Variants in AGAP1 observed in about 807,000 individuals in gnomAD.
The protein encoded by AGAP1 is ArfGAP with GTPase domain, ankyrin repeat and PH domain 1, also known as arf-GAP with GTPase, ANK repeat and PH domain-containing protein 1.
In AGAP1, 29 loss-of-function variants were observed where a neutral mutation model predicts 105.3. The ratio of observed to expected loss-of-function variants is 0.28; its 90% CI spans 0.21 to 0.38. AGAP1 has a LOEUF of 0.38. Among genes scored for constraint, AGAP1 ranks in the 10% least tolerant of loss-of-function variants. The pLI, the probability that AGAP1 is intolerant of heterozygous loss-of-function variation, is 1.00. For missense variants in AGAP1, 998 were observed against 1,165.1 expected (o/e 0.86, Z 2.09); for synonymous variants, 509 against 485.9 (o/e 1.05, Z -0.63).
At chr2:235,926,923 A>G (rs1419571620) in intron 11 of AGAP1, among the ~76,000 whole-genome samples, 1 of 152,204 alleles carries the variant, frequency 6.6e-6, no homozygotes, top group African/African-American at 2.4e-5. Flanking sequence ...TTCATTTTCT[A>G]AGTGATGCCA....
At chr2:236,025,856 G>A (rs2057032459) in intron 13 of AGAP1, among the ~76,000 whole-genome samples, 1 of 142,654 alleles carries the variant, frequency 7.0e-6, no homozygotes, top group South Asian at 2.4e-4. Flanking sequence ...GAGCTGAGAT[G>A]GTGCCACTGC....
Position 236,095,816 on chromosome 2 carries a change from A to G in AGAP1, c.2115-24376A>G, listed in dbSNP as rs1054516553. 5.3e-5 allele frequency among the ~76,000 whole-genome samples: 8 copies of G among 152,254 alleles called. No homozygotes were observed. The highest frequency in any genetic ancestry group is 1.4e-4 in the African/African-American group (6 of 41,470). On this transcript the variant is annotated intron_variant, in intron 16 of 17. Transcript: ENST00000304032. The surrounding 1 kb of genome is among the most constrained non-coding windows in gnomAD (Gnocchi z 4.1). ...AGAGATAGTCCCTAAGAGCTGGCCA[A>G]CTTCCACGATCATTATATTTTTGAG...
chr2:235,903,765 C>T (rs9653218), intron 10 of AGAP1, among the ~76,000 whole-genome samples: 52,065 of 151,838 alleles, frequency 0.34, 9,352 homozygotes, highest in Admixed American at 0.45. Context: ...TAGCCTAATA[C>T]GGTATTTTGA....
At chr2:235,870,250 TCCTCCC>T (rs1306975143) in intron 9 of AGAP1, among the ~76,000 whole-genome samples, 2 of 152,154 alleles carry the variant, frequency 1.3e-5, no homozygotes, top group African/African-American at 4.8e-5. Context: ...TTGCATGTGG[TCCTCCC>T]CATCGGAAGA....
chr2:236,044,995 G>A lies in AGAP1; in HGVS notation c.1892-4064G>A, dbSNP rs2057673572. On this transcript the variant is annotated intron_variant, in intron 15 of 17. Coordinates refer to ENST00000304032, the MANE Select transcript of AGAP1 (RefSeq NM_001037131.3). The surrounding 1 kb of genome is among the most constrained non-coding windows in gnomAD (Gnocchi z 5.7). Reference sequence around the variant, plus strand: ...AGCAGTGCAATCATGGCTCACTGCAGCCTTGAACTCTTAGGCTCCAGCAAT... The same window carrying A: ...AGCAGTGCAATCATGGCTCACTGCAACCTTGAACTCTTAGGCTCCAGCAAT... 1.3e-5 allele frequency among the ~76,000 whole-genome samples: 2 copies of A among 152,158 alleles called. No individual in the cohort carries two copies. Among genetic ancestry groups the A allele is most frequent in the African/African-American group, 4.8e-5 (2 of 41,436 alleles).
chr2:235,791,033 G>A (rs1163356389), intron 6 of AGAP1, among the ~76,000 whole-genome samples: 1 of 152,342 alleles, frequency 6.6e-6, no homozygotes, highest in African/African-American at 2.4e-5. Context: ...TCCTCACATG[G>A]CTATGATTTG....
rs554726330 is a variant in AGAP1, at chr2:235,582,826, C to T, written c.163+87977C>T. 2.0e-5 allele frequency among the ~76,000 whole-genome samples: 3 copies of T among 152,312 alleles called. No individual in the cohort carries two copies. The South Asian group carries it at 6.2e-4, about 32-fold the overall frequency. On this transcript the variant is annotated intron_variant, in intron 1 of 17. Transcript: ENST00000304032. The surrounding 1 kb of genome is among the most constrained non-coding windows in gnomAD (Gnocchi z 4.7). Reference sequence around the variant, plus strand: ...GCATCACAGCCTTATGCTGCATTTCCTAAAGTGCTTTCTAGCACTGACCGA... The same window carrying T: ...GCATCACAGCCTTATGCTGCATTTCTTAAAGTGCTTTCTAGCACTGACCGA...
rs1245995400 is a variant in AGAP1 at position 235,559,968 on chromosome 2, G to T, written c.163+65119G>T. Among the ~76,000 whole-genome samples, 1 of 151,870 alleles carries T rather than the reference G, an allele frequency of 6.6e-6. No individual in the cohort carries two copies. Among genetic ancestry groups the T allele is most frequent in the African/African-American group, 2.4e-5 (1 of 41,346 alleles). ...ATTAATGTTCTTGATATTCTTTGAGGTACTAAAGCTTTTAATTTTAATGAA... is the reference window on the plus strand; with the variant it reads ...ATTAATGTTCTTGATATTCTTTGAGTTACTAAAGCTTTTAATTTTAATGAA... On this transcript the variant is annotated intron_variant, in intron 1 of 17. Transcript: ENST00000304032. This position sits in a 1 kb window ranked among gnomAD's most constrained non-coding sequence, Gnocchi z 5.7.
At chr2:235,748,681 T>C (rs1194271735) in intron 5 of AGAP1, among the ~76,000 whole-genome samples, 5 of 152,166 alleles carry the variant, frequency 3.3e-5, no homozygotes, top group Non-Finnish European at 7.4e-5. Flanking sequence ...AAGAAAAAAC[T>C]GAATAAATTC....
chr2:235,592,964 T>A (rs1945400542), intron 1 of AGAP1, among the ~76,000 whole-genome samples: 1 of 152,054 alleles, frequency 6.6e-6, no homozygotes, highest in Non-Finnish European at 1.5e-5. Flanking sequence ...TTAAGGATGA[T>A]CGGTGGCTGG....
In AGAP1 at chr2:235,577,773, G is replaced by T. The variant is rs75599181; in HGVS notation, c.163+82924G>T. On this transcript the variant is annotated intron_variant, in intron 1 of 17. Transcript: ENST00000304032. This position sits in a 1 kb window ranked among gnomAD's most constrained non-coding sequence, Gnocchi z 4.5. Reference sequence around the variant, plus strand: ...ACAGGCTTGTCTGCTGGCCTCCCCCGGGAGAGAGAGTAGGTTTGCTATTCC... The same window carrying T: ...ACAGGCTTGTCTGCTGGCCTCCCCCTGGAGAGAGAGTAGGTTTGCTATTCC... Among the ~76,000 whole-genome samples, 1,042 of 152,212 alleles carry T rather than the reference G, an allele frequency of 6.8e-3. 11 individuals are homozygous for T. Among genetic ancestry groups the T allele is most frequent in the African/African-American group, 0.024 (976 of 41,514 alleles).
At position 235,740,826 on chromosome 2, in the gene AGAP1, C is replaced by G. The variant is rs532374851; in HGVS notation, c.311-137C>G. 82 of 916,524 alleles carry G rather than the reference C, an allele frequency of 8.9e-5. No homozygotes were observed. In the South Asian group the frequency reaches 1.4e-3, roughly 16 times the overall value. The allele number at this position is 916,524 out of a possible 1,614,324, so 56.8% of individuals were successfully genotyped here. A position where few individuals can be genotyped will look rare whatever the true frequency, so the allele number is the denominator to read the frequency against. ...CGGCTCTGTTAAAATTCAGCATTTG[C>G]TGGCAACATCCTAAATACTCAGTTG... is the stretch of plus-strand genomic sequence containing the variant. On this transcript the variant is annotated intron_variant, in intron 3 of 17. Coordinates refer to ENST00000304032, the MANE Select transcript of AGAP1 (RefSeq NM_001037131.3). The surrounding 1 kb of genome is among the most constrained non-coding windows in gnomAD (Gnocchi z 5.7).
chr2:236,116,370 G>GA lies in AGAP1; in HGVS notation c.2115-3821dup, dbSNP rs1232293735. Among the ~76,000 whole-genome samples the GA allele has an allele frequency of 2.5e-4, 14 of 56,326 alleles. No homozygotes were observed. The East Asian group carries it at 4.7e-3, about 19-fold the overall frequency. 37.0% of individuals were successfully genotyped at this position (56,326 alleles called of 152,430 possible). On this transcript the variant is annotated intron_variant, in intron 16 of 17. Coordinates refer to ENST00000304032, the MANE Select transcript of AGAP1 (RefSeq NM_001037131.3). ...GTTAATTAAGTTCTTTTTTTTTTGA[G>GA]AGAGAGTTTTGCTCTGTCGCCCACG...
At chr2:235,925,364 C>G (rs1340109856) in intron 11 of AGAP1, among the ~76,000 whole-genome samples, 2 of 152,130 alleles carry the variant, frequency 1.3e-5, no homozygotes, top group Non-Finnish European at 2.9e-5. Flanking sequence ...ATATCTTACT[C>G]CTTAGACACG....
chr2:235,589,194 G>GTT (rs928149334), intron 1 of AGAP1, among the ~76,000 whole-genome samples: 1,007 of 59,460 alleles, frequency 0.017, 138 homozygotes, highest in East Asian at 0.054. Context: ...TTATTGTTTT[G>GTT]TTTTTTTTTT....
chr2:235,750,397 G>C lies in AGAP1; in HGVS notation c.582G>C (p.Arg194Ser). Residue 194 changes from arginine to serine, a missense_variant, in exon 6 of 18, where the codon AGG becomes AGC. Arg to Ser is a moderately radical substitution (Grantham distance 110, BLOSUM62 -1). Coordinates refer to ENST00000304032, the MANE Select transcript of AGAP1 (RefSeq NM_001037131.3). This position sits in a 1 kb window ranked among gnomAD's most constrained non-coding sequence, Gnocchi z 5.3. ...SANPRVIDDA[R>S]ARKLSNDLKR... ...ACCCGAGGGTCATCGATGACGCCAGGGCGAGGAAGCTCTCCAACGACCTGA... is the reference window on the plus strand; with the variant it reads ...ACCCGAGGGTCATCGATGACGCCAGCGCGAGGAAGCTCTCCAACGACCTGA... The C allele has an allele frequency of 6.2e-7, 1 of 1,614,190 alleles. No individual in the cohort carries two copies. The highest frequency in any genetic ancestry group is 1.3e-5 in the African/African-American group (1 of 75,046).
In AGAP1 at chr2:235,979,549, T is replaced by C. The variant is rs769319475; in HGVS notation, c.1645+10926T>C. Among the ~76,000 whole-genome samples, 4 of 152,204 alleles carry C rather than the reference T, an allele frequency of 2.6e-5. No individual in the cohort carries two copies. The highest frequency in any genetic ancestry group is 5.9e-5 in the Non-Finnish European group (4 of 68,032). On this transcript the variant is annotated intron_variant, in intron 13 of 17. Transcript: ENST00000304032. This position sits in a 1 kb window ranked among gnomAD's most constrained non-coding sequence, Gnocchi z 4.5. ...GGCTTTCCACTCCACCCCTTTCTCA[T>C]CTCAGACATACCATAGGCACCAAGG...
intron 9 of AGAP1, among the ~76,000 whole-genome samples, chr2:235,808,445 A>G (rs1244290534): frequency 1.3e-5 from 2 of 152,232 alleles, no homozygotes; most frequent in Admixed American, 1.3e-4. Context: ...ATAGGAACGC[A>G]GCCTTAGAGA....
At chr2:235,539,820 T>C (rs1275903673) in intron 1 of AGAP1, among the ~76,000 whole-genome samples, 1 of 152,090 alleles carries the variant, frequency 6.6e-6, no homozygotes, top group Non-Finnish European at 1.5e-5. Context: ...ACAGAAAGGA[T>C]AGGAATGAAA....
Sources: allele counts gnomAD v4.1 joint callset (sites outside exome capture counted in the v4.1 genomes callset), GRCh38; gene constraint gnomAD v4.1.1; non-coding constraint Gnocchi (gnomAD v3.1); transcripts MANE v1.5; gene names NCBI Gene and HGNC (gene_info 2026-07-23, HGNC 2026-07-21).